EIF2S2: variants seen among roughly 807,000 people sequenced by gnomAD.
EIF2S2 encodes eukaryotic translation initiation factor 2 subunit beta.
In EIF2S2, 4 loss-of-function variants were observed where a neutral mutation model predicts 44.0. The ratio of observed to expected loss-of-function variants is 0.09; its 90% CI spans 0.04 to 0.21. The LOEUF (loss-of-function observed/expected upper bound fraction) is 0.21. Among genes scored for constraint, EIF2S2 ranks in the 10% least tolerant of loss-of-function variants. EIF2S2 has a pLI of 1.00. For synonymous variants in EIF2S2, 108 were observed against 128.3 expected (o/e 0.84, Z 1.07); for missense variants, 154 against 392.0 (o/e 0.39, Z 5.13).
rs543511557 is a variant in EIF2S2, at chr20:34,092,541, G to A, written c.740+1134C>T. 3.6e-3 allele frequency among the ~76,000 whole-genome samples: 548 copies of A among 152,228 alleles called. 2 individuals are homozygous for A. Among genetic ancestry groups the A allele is most frequent in the African/African-American group, 0.012 (496 of 41,526 alleles). ...AAATTAGCTGGGCGTGGTGGCGGGC[G>A]CCTGTAGTCCCAGCTACTCAGGAGG... On this transcript the variant is annotated intron_variant, in intron 7 of 8. Coordinates refer to ENST00000374980, the MANE Select transcript of EIF2S2 (RefSeq NM_003908.5).
intron 1 of EIF2S2, among the ~76,000 whole-genome samples, chr20:34,111,567 T>C (rs1249443342): frequency 6.6e-6 from 1 of 152,240 alleles, no homozygotes; most frequent in Admixed American, 6.5e-5. Context: ...TTTTCTCTCG[T>C]TCTAACCCCA....
intron 3 of EIF2S2, among the ~76,000 whole-genome samples, chr20:34,099,982 C>T (rs576922091): frequency 6.6e-6 from 1 of 152,260 alleles, no homozygotes; most frequent in Non-Finnish European, 1.5e-5. Flanking sequence ...GGTTTCATTA[C>T]AAAGGTATGA....
chr20:34,097,305 C>G (rs756639341), intron 5 of EIF2S2, 111 bp downstream of exon 5: 50 of 906,148 alleles, frequency 5.5e-5, no homozygotes, highest in Non-Finnish European at 7.7e-5. Context: ...CTCTCTGCAT[C>G]TGTTCCACCA....
intron 3 of EIF2S2, among the ~76,000 whole-genome samples, chr20:34,100,215 A>G (rs547026778): frequency 3.3e-5 from 5 of 152,248 alleles, no homozygotes; most frequent in Admixed American, 2.6e-4. Context: ...GGGTTTTACC[A>G]TATTGGCCAG....
intron 3 of EIF2S2, among the ~76,000 whole-genome samples, chr20:34,100,210 T>A (rs1470446249): frequency 1.3e-5 from 2 of 152,116 alleles, no homozygotes; most frequent in African/African-American, 2.4e-5. Context: ...AAACGGGGTT[T>A]TACCATATTG....
At chr20:34,110,547 C>A (rs937212979) in intron 1 of EIF2S2, among the ~76,000 whole-genome samples, 1 of 152,198 alleles carries the variant, frequency 6.6e-6, no homozygotes, top group Non-Finnish European at 1.5e-5. Context: ...AAGTCCTATG[C>A]CGAAATGCTG....
chr20:34,093,536 G>T, intron 7 of EIF2S2, 139 bp downstream of exon 7: 1 of 690,948 alleles, frequency 1.4e-6, no homozygotes, highest in Non-Finnish European at 2.3e-6. Flanking sequence ...GAAATGAAGT[G>T]ATTTCACTCC....
intron 7 of EIF2S2, among the ~76,000 whole-genome samples, chr20:34,092,389 T>A (rs2122392560): frequency 6.6e-6 from 1 of 152,324 alleles, no homozygotes; most frequent in African/African-American, 2.4e-5. Context: ...ATTTAAAACA[T>A]GCTGGGTGCG....
intron 2 of EIF2S2, 86 bp from the exon 3 acceptor site, chr20:34,103,651 A>G (rs2034317956): frequency 7.2e-7 from 1 of 1,397,260 alleles, no homozygotes; most frequent in East Asian, 2.9e-5. Flanking sequence ...GCAATTAATC[A>G]AGTCACCAGA....
intron 8 of EIF2S2, 39 bp from the exon 9 acceptor site, chr20:34,089,944 C>G: frequency 1.2e-6 from 2 of 1,608,822 alleles, no homozygotes; most frequent in Non-Finnish European, 1.7e-6. Flanking sequence ...CTGGTGGCTG[C>G]AGTGAGGTAG....
intron 3 of EIF2S2, among the ~76,000 whole-genome samples, chr20:34,102,433 ATC>A (rs1034712751): frequency 1.2e-4 from 19 of 152,234 alleles, no homozygotes; most frequent in African/African-American, 4.6e-4. Context: ...CAGGAAAAAT[ATC>A]TTACTCATTT....
intron 1 of EIF2S2, among the ~76,000 whole-genome samples, chr20:34,106,952 C>T (rs1396783246): frequency 2.6e-5 from 4 of 152,078 alleles, no homozygotes; most frequent in Non-Finnish European, 5.9e-5. Flanking sequence ...GAGGCCGAGG[C>T]GGGCGGATCA....
At chr20:34,101,572 C>T (rs2034295511) in intron 3 of EIF2S2, among the ~76,000 whole-genome samples, 1 of 152,134 alleles carries the variant, frequency 6.6e-6, no homozygotes, top group South Asian at 2.1e-4. Flanking sequence ...CATACACTAG[C>T]CAACTTCTAG....
intron 6 of EIF2S2, among the ~76,000 whole-genome samples, chr20:34,094,630 A>C (rs1244359790): frequency 6.6e-6 from 1 of 152,104 alleles, no homozygotes; most frequent in African/African-American, 2.4e-5. Context: ...GAAACATCTT[A>C]AATATTCACC....
At chr20:34,104,312 TC>T (rs1469465600) in intron 2 of EIF2S2, among the ~76,000 whole-genome samples, 1 of 152,152 alleles carries the variant, frequency 6.6e-6, no homozygotes, top group African/African-American at 2.4e-5. Context: ...CCCTCTTACC[TC>T]CATCTCACAG....
chr20:34,098,695 T>A, intron 3 of EIF2S2, 62 bp from the exon 4 acceptor site: 1 of 1,551,770 alleles, frequency 6.4e-7, no homozygotes, highest in South Asian at 1.2e-5. Context: ...ATTTATTTTA[T>A]TACATTTTCT....
chr20:34,089,709 G>A lies in EIF2S2; in HGVS notation c.*21C>T, dbSNP rs755313007. ...CAGCCACATCTCCACAACAAGCTTTGCAAAATCAGTGATTAGCAAATTAGT... is the reference window on the plus strand; with the variant it reads ...CAGCCACATCTCCACAACAAGCTTTACAAAATCAGTGATTAGCAAATTAGT... On this transcript the variant is annotated 3_prime_UTR_variant, in exon 9 of 9. Coordinates refer to ENST00000374980, the MANE Select transcript of EIF2S2 (RefSeq NM_003908.5). 1 of 1,601,786 alleles carries A rather than the reference G, an allele frequency of 6.2e-7. No homozygotes were observed. The highest frequency in any genetic ancestry group is 1.7e-5 in the Admixed American group (1 of 58,652).
At chr20:34,100,962 C>T (rs905514329) in intron 3 of EIF2S2, among the ~76,000 whole-genome samples, 1 of 151,870 alleles carries the variant, frequency 6.6e-6, no homozygotes, top group Admixed American at 6.6e-5. Flanking sequence ...CTATCCTGAA[C>T]TGTGCTGTCA....
intron 3 of EIF2S2, among the ~76,000 whole-genome samples, chr20:34,099,844 C>G (rs1367020347): frequency 2.0e-5 from 3 of 152,092 alleles, no homozygotes; most frequent in Non-Finnish European, 4.4e-5. Context: ...ATGCATAGGA[C>G]AAGTTATGGG....
Sources: allele counts gnomAD v4.1 joint callset (sites outside exome capture counted in the v4.1 genomes callset), GRCh38; gene constraint gnomAD v4.1.1; transcripts MANE v1.5; gene names NCBI Gene and HGNC (gene_info 2026-07-23, HGNC 2026-07-21).